Variants in STK35 observed in about 807,000 individuals in gnomAD.
STK35 encodes serine/threonine-protein kinase 35.
Under a neutral mutation model 37.3 loss-of-function variants are expected in STK35, and 17 were observed. That is an observed-to-expected ratio of 0.46 (90% CI 0.31 to 0.68). STK35 has a LOEUF of 0.68. Among genes scored for constraint, STK35 ranks in the 30% least tolerant of loss-of-function variants. The pLI is 0.05. For missense variants in STK35, 595 were observed against 746.7 expected (o/e 0.80, Z 2.37); for synonymous variants, 385 against 319.1 (o/e 1.21, Z -2.20).
At chr20:2,107,923 C>T (rs1985546992) in intron 2 of STK35, among the ~76,000 whole-genome samples, 1 of 152,188 alleles carries the variant, frequency 6.6e-6, no homozygotes, top group Non-Finnish European at 1.5e-5. Flanking sequence ...GTTTTAATCC[C>T]AGTTTCACCC....
chr20:2,119,431 G>T (rs1293733976), intron 3 of STK35, among the ~76,000 whole-genome samples: 3 of 152,198 alleles, frequency 2.0e-5, no homozygotes, highest in African/African-American at 4.8e-5. Flanking sequence ...GACAGAAATT[G>T]AACTGGAAAA....
At chr20:2,111,995 C>G (rs1985628230) in intron 2 of STK35, among the ~76,000 whole-genome samples, 1 of 152,204 alleles carries the variant, frequency 6.6e-6, no homozygotes, top group Admixed American at 6.5e-5. Flanking sequence ...GTTCTCACAG[C>G]TGTAGTCATT....
chr20:2,107,162 T>C (rs1395552832), intron 2 of STK35, among the ~76,000 whole-genome samples: 3 of 152,266 alleles, frequency 2.0e-5, no homozygotes, highest in Admixed American at 1.3e-4. Context: ...TCAAGATTAC[T>C]GCCACTTAGA....
At chr20:2,136,958 A>T (rs1306441231) in intron 3 of STK35, among the ~76,000 whole-genome samples, 1 of 152,150 alleles carries the variant, frequency 6.6e-6, no homozygotes, top group Non-Finnish European at 1.5e-5. Context: ...ATGCGATCTG[A>T]GTGACAGATA....
intron 3 of STK35, among the ~76,000 whole-genome samples, chr20:2,128,850 G>A (rs959903561): frequency 3.3e-5 from 5 of 152,122 alleles, no homozygotes; most frequent in Non-Finnish European, 7.4e-5. Context: ...ATCTGTGGGG[G>A]GTTTTTTTTG....
chr20:2,120,715 A>G (rs1049337332), intron 3 of STK35, among the ~76,000 whole-genome samples: 5 of 152,240 alleles, frequency 3.3e-5, no homozygotes, highest in African/African-American at 1.2e-4. Flanking sequence ...TCCAAGTACC[A>G]TTTTAGACAC....
intron 1 of STK35, 97 bp downstream of exon 1, chr20:2,102,272 C>G (rs1568571904): frequency 1.5e-6 from 2 of 1,361,194 alleles, no homozygotes; most frequent in Non-Finnish European, 9.5e-7. Flanking sequence ...CTCGGCCAGT[C>G]GCACTCCGAG....
intron 2 of STK35, among the ~76,000 whole-genome samples, chr20:2,103,924 AACTG>A (rs779286752): frequency 2.6e-4 from 40 of 152,168 alleles, no homozygotes; most frequent in Admixed American, 4.6e-4. Context: ...CAGCCGAGCA[AACTG>A]ACTGTCTTCT....
Position 2,103,472 on chromosome 20 carries a change from C to T in STK35, c.892+107C>T, listed in dbSNP as rs745751798. On this transcript the variant is annotated intron_variant, in intron 2 of 3. Transcript: ENST00000381482. ...CCTTCCTAGGCCTCAGACCTGGTCC[C>T]TGTCACCCTGTGCCCTGACACACCC... 460 of 1,065,544 alleles carry T rather than the reference C, an allele frequency of 4.3e-4. 3 individuals are homozygous for T. Among genetic ancestry groups the T allele is most frequent in the Middle Eastern group, 2.4e-3 (8 of 3,320 alleles). The allele number at this position is 1,065,544 out of a possible 1,614,324, so 66.0% of individuals were successfully genotyped here.
In STK35 at chr20:2,102,147, C is replaced by T; in HGVS notation, c.266C>T (p.Ala89Val). The change falls in exon 1 of 4, where the codon GCC becomes GTC. Residue 89 changes from alanine (A) to valine (V), a missense_variant. By Grantham distance (64) the Ala-to-Val change is moderately conservative (BLOSUM62 0). Coordinates refer to ENST00000381482, the MANE Select transcript of STK35 (RefSeq NM_080836.4). Reference protein sequence around the residue: ...PQAGAPGGKRAARKWRCAGQV... With the variant: ...PQAGAPGGKRVARKWRCAGQV... Reference sequence around the variant, plus strand: ...GCAGGGGCTCCAGGGGGGAAACGGGCCGCCCGGAAGTGGAGGTGCGCGGGC... The same window carrying T: ...GCAGGGGCTCCAGGGGGGAAACGGGTCGCCCGGAAGTGGAGGTGCGCGGGC... 7.3e-7 allele frequency: 1 copy of T among 1,375,040 alleles called. No individual in the cohort carries two copies. The highest frequency in any genetic ancestry group is 9.4e-7 in the Non-Finnish European group (1 of 1,062,540). 85.2% of individuals were successfully genotyped at this position (1,375,040 alleles called of 1,614,324 possible).
At position 2,102,003 on chromosome 20, in the gene STK35, A is replaced by C. The variant is rs1985395777; in HGVS notation, c.122A>C (p.Gln41Pro). Residue 41 changes from glutamine to proline, a missense_variant, in exon 1 of 4, where the codon CAG becomes CCG. This residue lies in a region of STK35 where 389 missense variants were observed against 320.0 expected (regional missense o/e 1.22). Coordinates refer to ENST00000381482, the MANE Select transcript of STK35 (RefSeq NM_080836.4). ...HVESHGSLGA[Q>P]ASPASAAAAE... Reference sequence around the variant, plus strand: ...GAAAGCCACGGGAGCCTAGGAGCCCAGGCTTCCCCAGCGAGCGCCGCGGCA... The same window carrying C: ...GAAAGCCACGGGAGCCTAGGAGCCCCGGCTTCCCCAGCGAGCGCCGCGGCA... 6.5e-7 allele frequency: 1 copy of C among 1,527,442 alleles called. No homozygotes were observed. The highest frequency in any genetic ancestry group is 1.4e-5 in the African/African-American group (1 of 72,026). The allele number at this position is 1,527,442 out of a possible 1,614,324, so 94.6% of individuals were successfully genotyped here.
Position 2,102,883 on chromosome 20 carries a change from G to T in STK35, c.410G>T (p.Gly137Val). Reference sequence around the variant, plus strand: ...CCGCCGCCCGCAGCCATGGAAACGGGGAAGGACGGCGCCCGCAGAGGTACA... The same window carrying T: ...CCGCCGCCCGCAGCCATGGAAACGGTGAAGGACGGCGCCCGCAGAGGTACA... ...LPPPPAAMET[G>V]KDGARRGTQS... Residue 137 changes from glycine (G) to valine (V), a missense_variant, in exon 2 of 4, where the codon GGG becomes GTG. Gly to Val is a moderately radical substitution (Grantham distance 109). This residue lies in a region of STK35 where 389 missense variants were observed against 320.0 expected (regional missense o/e 1.22). Coordinates refer to ENST00000381482, the MANE Select transcript of STK35 (RefSeq NM_080836.4). 6.4e-7 allele frequency: 1 copy of T among 1,567,004 alleles called. No homozygotes were observed. Among genetic ancestry groups the T allele is most frequent in the Non-Finnish European group, 8.6e-7 (1 of 1,164,646 alleles).
intron 3 of STK35, among the ~76,000 whole-genome samples, chr20:2,141,150 G>A (rs1568583264): frequency 6.6e-6 from 1 of 152,212 alleles, no homozygotes; most frequent in African/African-American, 2.4e-5. Flanking sequence ...AGGTTGATCT[G>A]CTGTGTCTAC....
intron 2 of STK35, among the ~76,000 whole-genome samples, chr20:2,110,899 T>C (rs1205039646): frequency 6.6e-6 from 1 of 152,200 alleles, no homozygotes; most frequent in African/African-American, 2.4e-5. Context: ...GAATCTAGCC[T>C]ATGGAAACTC....
chr20:2,138,848 AC>A (rs971914856), intron 3 of STK35, among the ~76,000 whole-genome samples: 2 of 152,120 alleles, frequency 1.3e-5, no homozygotes, highest in African/African-American at 4.8e-5. Context: ...ACATAATGAG[AC>A]CCCGTCCCTA....
intron 3 of STK35, among the ~76,000 whole-genome samples, chr20:2,136,774 C>T (rs1424762801): frequency 6.6e-6 from 1 of 152,214 alleles, no homozygotes; most frequent in Non-Finnish European, 1.5e-5. Flanking sequence ...TCTCTCTGTC[C>T]TGCAGGAAGC....
At chr20:2,137,877 A>G (rs541247311) in intron 3 of STK35, among the ~76,000 whole-genome samples, 3 of 152,162 alleles carry the variant, frequency 2.0e-5, no homozygotes, top group African/African-American at 7.2e-5. Flanking sequence ...AGAATGACTA[A>G]CCCCACTTAG....
intron 1 of STK35, 78 bp downstream of exon 1, chr20:2,102,253 A>T (rs1985407594): frequency 7.3e-7 from 1 of 1,379,224 alleles, no homozygotes; most frequent in South Asian, 1.6e-5. Flanking sequence ...TGGGAAGGGA[A>T]ATCGGGTCCT....
intron 2 of STK35, among the ~76,000 whole-genome samples, chr20:2,114,717 C>T (rs1007805289): frequency 1.3e-5 from 2 of 152,164 alleles, no homozygotes; most frequent in Non-Finnish European, 2.9e-5. Context: ...ATAACCTGGA[C>T]TTAGATTATA....
Sources: allele counts gnomAD v4.1 joint callset (sites outside exome capture counted in the v4.1 genomes callset), GRCh38; gene constraint gnomAD v4.1.1; regional missense constraint gnomAD v4.1.1; transcripts MANE v1.5; gene names NCBI Gene and HGNC (gene_info 2026-07-23, HGNC 2026-07-21).